The following NUP133 variants were observed in gnomAD, a reference collection of about 807,000 sequenced individuals.
NUP133 encodes the protein nuclear pore complex protein Nup133.
In NUP133, 66 loss-of-function variants were observed where a neutral mutation model predicts 146.2. The ratio of observed to expected loss-of-function variants is 0.45; its 90% CI spans 0.37 to 0.55. The LOEUF is 0.55. Ranked by LOEUF, NUP133 falls within the 20% of genes least tolerant of loss-of-function variation. The probability of loss-of-function intolerance (pLI) is 0.00; values close to 1 mark genes in which losing one functional copy is unlikely to be tolerated. For synonymous variants in NUP133, 521 were observed against 498.8 expected, an observed-to-expected ratio of 1.04 and a Z score of -0.59; for missense variants, 1,277 against 1,374.8, an observed-to-expected ratio of 0.93 and a Z score of 1.12.
At chr1:229,486,602 A>G in intron 10 of NUP133, 74 bp from the exon 11 acceptor site, 1 of 1,397,874 alleles carries the variant, frequency 7.2e-7, no homozygotes, top group Non-Finnish European at 9.8e-7. Flanking sequence ...TACCACCCTA[A>G]GCAGAAAATC....
At chr1:229,474,756 A>G (rs145118697) in intron 14 of NUP133, among the ~76,000 whole-genome samples, 4 of 152,268 alleles carry the variant, frequency 2.6e-5, no homozygotes, top group Non-Finnish European at 5.9e-5. Flanking sequence ...TCTCCTTAAC[A>G]TAAAAAATTA....
chr1:229,443,500 G>A (rs549072878), intron 25 of NUP133, among the ~76,000 whole-genome samples: 1 of 152,222 alleles, frequency 6.6e-6, no homozygotes, highest in Middle Eastern at 3.4e-3. Context: ...AAATATGTCT[G>A]CAGGAAGAAT....
chr1:229,479,170 C>T (rs902770871), intron 12 of NUP133, among the ~76,000 whole-genome samples: 1 of 152,214 alleles, frequency 6.6e-6, no homozygotes. Flanking sequence ...CCCCAACATA[C>T]ACCAAAATCC....
In NUP133 at chr1:229,449,874, T is replaced by TATA. The variant is rs1491123491; in HGVS notation, c.3180+650_3180+651insTAT. On this transcript the variant is annotated intron_variant, in intron 23 of 25. Transcript: ENST00000261396. ...TTTTATATATATATATATATATATA[T>TATA]TTTTTTTTTTTTTTTTTTTTTTTTT... 2.5e-3 allele frequency among the ~76,000 whole-genome samples: 196 copies of TATA among 77,754 alleles called. 1 individual carries two copies. Among genetic ancestry groups the TATA allele is most frequent in the Middle Eastern group, 8.5e-3 (1 of 118 alleles). 51.0% of individuals were successfully genotyped at this position (77,754 alleles called of 152,430 possible).
intron 9 of NUP133, 151 bp from the exon 10 acceptor site, chr1:229,487,764 A>G (rs1661398008): frequency 1.7e-6 from 1 of 597,674 alleles, no homozygotes; most frequent in Admixed American, 3.5e-5. Context: ...ATGATTAACA[A>G]AACATGACAG....
At chr1:229,472,534 G>T (rs4925490) in intron 14 of NUP133, among the ~76,000 whole-genome samples, 6,968 of 150,348 alleles carry the variant, frequency 0.046, 436 homozygotes, top group African/African-American at 0.13. Context: ...AATACAAAAA[G>T]TAGCTGATTT....
chr1:229,442,101 G>A, intron 25 of NUP133, 61 bp from the exon 26 acceptor site: 5 of 1,471,722 alleles, frequency 3.4e-6, no homozygotes, highest in Non-Finnish European at 4.6e-6. Context: ...AATGAATTCT[G>A]ATGATTGATG....
intron 11 of NUP133, 78 bp downstream of exon 11, chr1:229,486,293 G>A (rs1661343834): frequency 7.5e-7 from 1 of 1,330,004 alleles, no homozygotes; most frequent in Admixed American, 2.7e-5. Context: ...CTGCACTCTA[G>A]CCTGGGTGAC....
chr1:229,444,261 G>A (rs1660254913), intron 25 of NUP133, among the ~76,000 whole-genome samples: 1 of 151,998 alleles, frequency 6.6e-6, no homozygotes, highest in African/African-American at 2.4e-5. Flanking sequence ...AACCCAGGAG[G>A]TGGAGGTTGT....
At chr1:229,446,952 C>T (rs1571903230) in intron 24 of NUP133, among the ~76,000 whole-genome samples, 1 of 151,910 alleles carries the variant, frequency 6.6e-6, no homozygotes, top group East Asian at 1.9e-4. Flanking sequence ...TGAAGAAACC[C>T]TGTCTCTACT....
chr1:229,449,431 G>A (rs1039787773), intron 23 of NUP133, among the ~76,000 whole-genome samples: 17 of 150,574 alleles, frequency 1.1e-4, no homozygotes, highest in Non-Finnish European at 1.3e-4. Flanking sequence ...GCAGTGGCGC[G>A]ATCTCAGCTC....
intron 8 of NUP133, among the ~76,000 whole-genome samples, chr1:229,492,169 T>G (rs1404544404): frequency 6.6e-6 from 1 of 151,272 alleles, no homozygotes; most frequent in Non-Finnish European, 1.5e-5. Flanking sequence ...TGCCGGGGCG[T>G]GATCTCGGCT....
intron 8 of NUP133, among the ~76,000 whole-genome samples, chr1:229,490,401 T>TAAAAAAAAAAAAAAAAAAAAAAGA (rs201590753): frequency 7.8e-6 from 1 of 127,484 alleles, no homozygotes. Flanking sequence ...TATTCAGTAG[T>TAAAAAAAAAAAAAAAAAAAAAAGA]AAAAAAAAAA....
At chr1:229,458,075 G>C in intron 21 of NUP133, 86 bp downstream of exon 21, 1 of 1,381,448 alleles carries the variant, frequency 7.2e-7, no homozygotes, top group Non-Finnish European at 9.9e-7. Context: ...CTAAGAGATA[G>C]ATCCTGCTAA....
chr1:229,477,724 C>T lies in NUP133; in HGVS notation c.1629G>A (p.Glu543=). Residue 543 remains glutamate, a synonymous_variant, in exon 13 of 26, where the codon GAG becomes GAA. Transcript: ENST00000261396. The part of the protein sequence containing the change: ...DLGHAQMVVD[E]LFSSHSDLDS... ...CCAAATCAGAGTGAGAGGAAAAGAGCTCATCAACCACCATTTGAGCATGAC... is the reference window on the plus strand; with the variant it reads ...CCAAATCAGAGTGAGAGGAAAAGAGTTCATCAACCACCATTTGAGCATGAC... The T allele has an allele frequency of 6.2e-7, 1 of 1,613,656 alleles. No individual in the cohort carries two copies. The highest frequency in any genetic ancestry group is 8.5e-7 in the Non-Finnish European group (1 of 1,179,804).
intron 21 of NUP133, among the ~76,000 whole-genome samples, chr1:229,455,772 G>T (rs540588564): frequency 3.5e-4 from 53 of 152,078 alleles, no homozygotes; most frequent in Admixed American, 6.6e-4. Context: ...TACTCAGCAT[G>T]TATCTCCTAA....
intron 14 of NUP133, among the ~76,000 whole-genome samples, chr1:229,474,623 A>G (rs537440010): frequency 2.6e-5 from 4 of 152,324 alleles, no homozygotes; most frequent in Non-Finnish European, 5.9e-5. Context: ...TCAGTTCTTC[A>G]GTTGCTAGTC....
intron 12 of NUP133, among the ~76,000 whole-genome samples, chr1:229,482,816 C>A (rs965377446): frequency 1.3e-5 from 2 of 152,168 alleles, no homozygotes; most frequent in African/African-American, 4.8e-5. Flanking sequence ...TCTTGCCACT[C>A]TAGAACCCTG....
chr1:229,454,633 G>T (rs1660522801), intron 21 of NUP133, among the ~76,000 whole-genome samples: 1 of 152,206 alleles, frequency 6.6e-6, no homozygotes, highest in Non-Finnish European at 1.5e-5. Flanking sequence ...ACAGTCTGTA[G>T]AATCACTGAG....
Sources: allele counts gnomAD v4.1 joint callset (sites outside exome capture counted in the v4.1 genomes callset), GRCh38; gene constraint gnomAD v4.1.1; transcripts MANE v1.5; gene names NCBI Gene and HGNC (gene_info 2026-07-23, HGNC 2026-07-21).